Variants in OCA2 observed in about 807,000 individuals in gnomAD.
The protein encoded by OCA2 is P protein.
Under a neutral mutation model 100.2 loss-of-function variants are expected in OCA2, and 77 were observed. That is an observed-to-expected ratio of 0.77 (90% CI 0.64 to 0.93). The LOEUF (loss-of-function observed/expected upper bound fraction) is 0.93, where lower values mean the gene tolerates loss of function less well. OCA2 is among the 40% of genes least tolerant of loss of function. OCA2 has a pLI of 0.00. For missense variants in OCA2, 1,062 were observed against 1,089.1 expected, an observed-to-expected ratio of 0.98 and a Z score of 0.35; for synonymous variants, 432 against 439.2, an observed-to-expected ratio of 0.98 and a Z score of 0.21.
chr15:27,841,027 T>A lies in OCA2; in HGVS notation c.2432+3932A>T, dbSNP rs983233581. On this transcript the variant is annotated intron_variant, in intron 23 of 23. Coordinates refer to ENST00000354638, the MANE Select transcript of OCA2 (RefSeq NM_000275.3). ...ACAGACTGGGAGAAAATGTCCTATC[T>A]GCTTTATTCGTAAGAGCCCCAAACT... 4.6e-5 allele frequency among the ~76,000 whole-genome samples: 7 copies of A among 152,224 alleles called. 1 individual carries two copies. The highest frequency in any genetic ancestry group is 4.6e-4 in the Admixed American group (7 of 15,282).
chr15:27,952,381 TA>T (rs2040062923), intron 17 of OCA2, among the ~76,000 whole-genome samples: 1 of 152,140 alleles, frequency 6.6e-6, no homozygotes, highest in Non-Finnish European at 1.5e-5. Flanking sequence ...CACCTGGTCA[TA>T]GGGGGAGGGC....
chr15:28,031,281 G>A lies in OCA2; in HGVS notation c.326+784C>T, dbSNP rs564567093. ...CCCAAATGGCTATCCTCAGCTTTGT[G>A]CTTGAATAAATAATTTTAAACTGGG... is the stretch of plus-strand genomic sequence containing the variant. On this transcript the variant is annotated intron_variant, in intron 3 of 23. Transcript: ENST00000354638. Among the ~76,000 whole-genome samples the A allele has an allele frequency of 1.3e-4, 20 of 152,224 alleles. 1 individual carries two copies. Among genetic ancestry groups the A allele is most frequent in the Admixed American group, 1.1e-3 (17 of 15,288 alleles).
At chr15:27,887,862 A>T (rs1208570446) in intron 19 of OCA2, among the ~76,000 whole-genome samples, 1 of 151,430 alleles carries the variant, frequency 6.6e-6, no homozygotes, top group African/African-American at 2.4e-5. Flanking sequence ...TAAGATTAAT[A>T]AAAGCTCTGC....
the OCA2 span, among the ~76,000 whole-genome samples, chr15:27,719,008 T>C: frequency 6.6e-6 from 1 of 151,994 alleles, no homozygotes; most frequent in Non-Finnish European, 1.5e-5. Context: ...TCACATTGTA[T>C]TGTATTGTCA....
chr15:27,830,666 A>G (rs1026856375), intron 23 of OCA2, among the ~76,000 whole-genome samples: 2 of 152,200 alleles, frequency 1.3e-5, no homozygotes, highest in African/African-American at 2.4e-5. Flanking sequence ...GACTGTGTGT[A>G]TATCAACTGA....
intron 23 of OCA2, among the ~76,000 whole-genome samples, chr15:27,830,575 T>C (rs1445828248): frequency 6.6e-6 from 1 of 152,196 alleles, no homozygotes; most frequent in Non-Finnish European, 1.5e-5. Context: ...GCCAAAAGTC[T>C]CTTTTCTGAA....
At chr15:27,755,510 T>C (rs1212941373) in intron 23 of OCA2, 38 bp from the exon 24 acceptor site, 4 of 1,513,826 alleles carry the variant, frequency 2.6e-6, no homozygotes, top group Non-Finnish European at 3.7e-6. Flanking sequence ...GCATCTGAAA[T>C]CTGGATAATC....
chr15:27,745,903 A>G, the OCA2 span, among the ~76,000 whole-genome samples: 39 of 152,310 alleles, frequency 2.6e-4, no homozygotes, highest in Admixed American at 1.6e-3. Context: ...CTTTGAATCC[A>G]CCTATGACTT....
At chr15:28,029,020 A>G (rs2042836854) in intron 3 of OCA2, among the ~76,000 whole-genome samples, 1 of 152,176 alleles carries the variant, frequency 6.6e-6, no homozygotes, top group Admixed American at 6.5e-5. Context: ...TGACCTGATC[A>G]GTTCCTTCAG....
At position 27,831,284 on chromosome 15, in the gene OCA2, CAAAAA is replaced by C. The variant is rs71132824; in HGVS notation, c.2432+13670_2432+13674del. 1.6e-4 allele frequency among the ~76,000 whole-genome samples: 10 copies of C among 62,634 alleles called. No individual in the cohort carries two copies. The East Asian group carries it at 3.2e-3, about 20-fold the overall frequency. The allele number at this position is 62,634 out of a possible 152,430, so 41.1% of individuals were successfully genotyped here. ...CTGGTGACAGAGCGAGACTCCGTCT[CAAAAA>C]AAAAAAAAAAAAAAAAATCGGTCTG... On this transcript the variant is annotated intron_variant, in intron 23 of 23. Transcript: ENST00000354638.
intron 23 of OCA2, among the ~76,000 whole-genome samples, chr15:27,763,983 C>T (rs1342363266): frequency 6.6e-6 from 1 of 151,948 alleles, no homozygotes; most frequent in African/African-American, 2.4e-5. Context: ...AGGTTCCAAC[C>T]CAGCCACTGA....
intron 21 of OCA2, among the ~76,000 whole-genome samples, chr15:27,859,695 A>G (rs2036063035): frequency 6.6e-6 from 1 of 152,210 alleles, no homozygotes; most frequent in Non-Finnish European, 1.5e-5. Context: ...CCCTGATACT[A>G]AGTCAGACAA....
downstream of OCA2, among the ~76,000 whole-genome samples, chr15:27,753,946 A>T (rs1457201010): frequency 6.6e-6 from 1 of 152,012 alleles, no homozygotes; most frequent in East Asian, 1.9e-4. Context: ...GTCCCCAGCC[A>T]TCCTGATGTG....
At chr15:27,929,092 T>C (rs1362902930) in intron 18 of OCA2, among the ~76,000 whole-genome samples, 1 of 152,230 alleles carries the variant, frequency 6.6e-6, no homozygotes, top group East Asian at 1.9e-4. Context: ...TCATTTTTCC[T>C]AAGAATGTTT....
At position 28,021,157 on chromosome 15, in the gene OCA2, C is replaced by T. The variant is rs987333978; in HGVS notation, c.646+1344G>A. On this transcript the variant is annotated intron_variant, in intron 6 of 23. Coordinates refer to ENST00000354638, the MANE Select transcript of OCA2 (RefSeq NM_000275.3). ...ATCAAAAATATTTGCCTGATCAGAG[C>T]ACTGCATCGGAGGGTCCCACCTCTC... 8.0e-4 allele frequency among the ~76,000 whole-genome samples: 121 copies of T among 152,176 alleles called. 1 individual carries two copies. Among genetic ancestry groups the T allele is most frequent in the Admixed American group, 7.9e-3 (120 of 15,274 alleles).
intron 21 of OCA2, among the ~76,000 whole-genome samples, chr15:27,853,930 G>C (rs2035858065): frequency 6.6e-6 from 1 of 152,212 alleles, no homozygotes; most frequent in Non-Finnish European, 1.5e-5. Flanking sequence ...GAGAATTAAG[G>C]GGCAAGAGAG....
At chr15:28,065,379 A>T (rs1219701822) in intron 2 of OCA2, among the ~76,000 whole-genome samples, 1 of 152,142 alleles carries the variant, frequency 6.6e-6, no homozygotes, top group African/African-American at 2.4e-5. Context: ...CTCAATCAGT[A>T]TGCATCTGCC....
At chr15:27,843,769 T>A (rs543666595) in intron 23 of OCA2, among the ~76,000 whole-genome samples, 48 of 152,242 alleles carry the variant, frequency 3.2e-4, no homozygotes, top group Admixed American at 4.6e-4. Context: ...AAATCCAACG[T>A]GCTAGTGTTC....
the OCA2 span, among the ~76,000 whole-genome samples, chr15:27,729,208 T>C: frequency 6.6e-6 from 1 of 152,094 alleles, no homozygotes; most frequent in Non-Finnish European, 1.5e-5. Flanking sequence ...GCAACTTAAA[T>C]GTTCTCTAAG....
Sources: allele counts gnomAD v4.1 joint callset (sites outside exome capture counted in the v4.1 genomes callset), GRCh38; gene constraint gnomAD v4.1.1; transcripts MANE v1.5; gene names NCBI Gene and HGNC (gene_info 2026-07-23, HGNC 2026-07-21).